CDYL2: variants seen among roughly 807,000 people sequenced by gnomAD.
CDYL2 encodes chromodomain Y like 2.
A neutral mutation model predicts 49.4 loss-of-function variants in CDYL2; 23 were observed. That is an observed-to-expected ratio of 0.47 (90% CI 0.34 to 0.66). The LOEUF (loss-of-function observed/expected upper bound fraction) is 0.66. CDYL2 is among the 30% of genes least tolerant of loss of function. The pLI, the probability that CDYL2 is intolerant of heterozygous loss-of-function variation, is 0.01. For missense variants in CDYL2, 678 were observed against 656.4 expected, an observed-to-expected ratio of 1.03 and a Z score of -0.36; for synonymous variants, 360 against 268.8, an observed-to-expected ratio of 1.34 and a Z score of -3.32.
intron 1 of CDYL2, among the ~76,000 whole-genome samples, chr16:80,778,006 G>A (rs900139536): frequency 2.0e-5 from 3 of 151,740 alleles, no homozygotes; most frequent in Non-Finnish European, 4.4e-5. Flanking sequence ...TATTAAATAT[G>A]GAAATTTTTA....
At chr16:80,758,764 A>G (rs537647796) in intron 1 of CDYL2, among the ~76,000 whole-genome samples, 233 of 151,746 alleles carry the variant, frequency 1.5e-3, no homozygotes, top group Non-Finnish European at 1.1e-3. Flanking sequence ...GGATGGTTTC[A>G]ATCTCCTGAC....
At chr16:80,655,328 C>G (rs556586416) in intron 2 of CDYL2, among the ~76,000 whole-genome samples, 3 of 152,302 alleles carry the variant, frequency 2.0e-5, no homozygotes, top group African/African-American at 7.2e-5. Context: ...TACTTGCCAC[C>G]TCCTATGGGC....
At chr16:80,635,893 C>T (rs1405288979) in intron 2 of CDYL2, among the ~76,000 whole-genome samples, 1 of 152,116 alleles carries the variant, frequency 6.6e-6, no homozygotes, top group Non-Finnish European at 1.5e-5. Flanking sequence ...AGAACAGAGG[C>T]CTCAGAAATA....
rs569208524 is a variant in CDYL2 at position 80,654,112 on chromosome 16, G to A, written c.617-20876C>T. ...CATCTCACGATGACTCTGCTCAGCC[G>A]TGGTGATTTGGGGAAGAAGGGTGCA... On this transcript the variant is annotated intron_variant, in intron 2 of 6. Transcript: ENST00000570137. 7.9e-5 allele frequency among the ~76,000 whole-genome samples: 12 copies of A among 152,322 alleles called. No individual in the cohort carries two copies. In the East Asian group the frequency reaches 2.3e-3, roughly 29 times the overall value.
chr16:80,671,297 T>A (rs535807865), intron 2 of CDYL2, among the ~76,000 whole-genome samples: 1 of 152,288 alleles, frequency 6.6e-6, no homozygotes, highest in South Asian at 2.1e-4. Flanking sequence ...CCAGAGTGGC[T>A]GACATAGGGG....
chr16:80,739,960 C>T (rs946828921), intron 1 of CDYL2, among the ~76,000 whole-genome samples: 14 of 152,264 alleles, frequency 9.2e-5, no homozygotes, highest in South Asian at 2.1e-4. Flanking sequence ...CAGGATGAAA[C>T]GACTTGGGGG....
chr16:80,738,227 T>C (rs1215860999), intron 1 of CDYL2, among the ~76,000 whole-genome samples: 1 of 152,218 alleles, frequency 6.6e-6, no homozygotes. Context: ...TAGTATTCCA[T>C]GGTGTATATG....
intron 1 of CDYL2, among the ~76,000 whole-genome samples, chr16:80,736,106 G>A (rs568070102): frequency 6.6e-5 from 10 of 152,344 alleles, no homozygotes; most frequent in Admixed American, 2.0e-4. Flanking sequence ...AGCTGTCACA[G>A]CTGGCCACAG....
intron 2 of CDYL2, among the ~76,000 whole-genome samples, chr16:80,661,677 G>C (rs776061865): frequency 6.6e-6 from 1 of 152,136 alleles, no homozygotes; most frequent in Admixed American, 6.5e-5. Context: ...TGGATGTTCT[G>C]CTTTTGTTTT....
At chr16:80,748,506 T>TAAAAAAAAA (rs538432449) in intron 1 of CDYL2, among the ~76,000 whole-genome samples, 1 of 19,110 alleles carries the variant, frequency 5.2e-5, no homozygotes, top group African/African-American at 1.6e-4. Flanking sequence ...AAAACTCCAT[T>TAAAAAAAAA]AAAAAAAAAA....
intron 5 of CDYL2, among the ~76,000 whole-genome samples, chr16:80,610,358 G>A (rs76791200): frequency 6.6e-6 from 1 of 152,298 alleles, no homozygotes; most frequent in South Asian, 2.1e-4. Context: ...AAGAGCATGA[G>A]AGTAATGTCA....
chr16:80,668,880 C>A (rs1039845369), intron 2 of CDYL2, among the ~76,000 whole-genome samples: 2 of 151,984 alleles, frequency 1.3e-5, no homozygotes, highest in Non-Finnish European at 2.9e-5. Context: ...ACCTGGGCGA[C>A]AGAGTCAGAC....
intron 1 of CDYL2, among the ~76,000 whole-genome samples, chr16:80,782,762 T>A (rs374575550): frequency 6.6e-6 from 1 of 151,864 alleles, no homozygotes; most frequent in African/African-American, 2.4e-5. Flanking sequence ...GTCATCCCAA[T>A]TGACAGAGAA....
chr16:80,608,573 A>G (rs1391678114), intron 5 of CDYL2, among the ~76,000 whole-genome samples: 2 of 152,140 alleles, frequency 1.3e-5, no homozygotes, highest in Non-Finnish European at 1.5e-5. Flanking sequence ...CCGTGATGAC[A>G]TCATTGGCAC....
At chr16:80,773,045 T>C (rs1906959894) in intron 1 of CDYL2, among the ~76,000 whole-genome samples, 1 of 152,128 alleles carries the variant, frequency 6.6e-6, no homozygotes, top group Non-Finnish European at 1.5e-5. Context: ...AACCTAACTG[T>C]ATGCCATTTA....
At chr16:80,714,739 G>A (rs1022428142) in intron 1 of CDYL2, among the ~76,000 whole-genome samples, 1 of 152,072 alleles carries the variant, frequency 6.6e-6, no homozygotes, top group Admixed American at 6.6e-5. Flanking sequence ...TGCATTCTAC[G>A]CTCAATCCAA....
chr16:80,727,719 A>G lies in CDYL2; in HGVS notation c.25-42590T>C, dbSNP rs1030725795. Among the ~76,000 whole-genome samples the G allele has an allele frequency of 5.3e-5, 8 of 152,288 alleles. No individual in the cohort carries two copies. The East Asian group carries it at 5.8e-4, about 11-fold the overall frequency. On this transcript the variant is annotated intron_variant, in intron 1 of 6. Transcript: ENST00000570137. ...TCCCTGTCTGACAGCTTTGAAGAGA[A>G]CAGTGGTTCTCCCAGCACGCAGCGG...
intron 2 of CDYL2, among the ~76,000 whole-genome samples, chr16:80,634,993 A>G (rs988426650): frequency 1.3e-5 from 2 of 152,212 alleles, no homozygotes; most frequent in African/African-American, 4.8e-5. Flanking sequence ...GAGTTGCCCT[A>G]ATACCAAAGC....
chr16:80,721,842 C>T (rs1488884817), intron 1 of CDYL2, among the ~76,000 whole-genome samples: 1 of 152,174 alleles, frequency 6.6e-6, no homozygotes, highest in African/African-American at 2.4e-5. Context: ...ATGCAGTCCC[C>T]ACAGTTCCTT....
Sources: allele counts gnomAD v4.1 joint callset (sites outside exome capture counted in the v4.1 genomes callset), GRCh38; gene constraint gnomAD v4.1.1; transcripts MANE v1.5; gene names NCBI Gene and HGNC (gene_info 2026-07-23, HGNC 2026-07-21).